Variants in AJAP1 observed in about 807,000 individuals in gnomAD.
AJAP1 encodes adherens junctions associated protein 1.
AJAP1 carries 5 observed loss-of-function variants against 35.0 expected under a neutral mutation model. The observed-to-expected ratio is 0.14, with a 90% CI of 0.07 to 0.30. The LOEUF is 0.30. Among genes scored for constraint, AJAP1 ranks in the 10% least tolerant of loss-of-function variants. The probability of loss-of-function intolerance (pLI) is 1.00; values close to 1 mark genes in which losing one functional copy is unlikely to be tolerated. For synonymous variants in AJAP1, 284 were observed against 249.3 expected, an observed-to-expected ratio of 1.14 and a Z score of -1.31; for missense variants, 586 against 571.0, an observed-to-expected ratio of 1.03 and a Z score of -0.27.
chr1:4,695,015 C>T (rs988281145), intron 1 of AJAP1, among the ~76,000 whole-genome samples: 2 of 152,062 alleles, frequency 1.3e-5, no homozygotes, highest in East Asian at 1.9e-4. Flanking sequence ...GAGGAGTGGA[C>T]GGACCCAAGG....
chr1:4,691,713 G>A (rs1459482008), intron 1 of AJAP1, among the ~76,000 whole-genome samples: 1 of 152,162 alleles, frequency 6.6e-6, no homozygotes, highest in Admixed American at 6.5e-5. Context: ...GCCAGGACCT[G>A]AAGGGAGGAG....
intron 2 of AJAP1, among the ~76,000 whole-genome samples, chr1:4,742,874 T>G (rs1641101486): frequency 6.6e-6 from 1 of 152,004 alleles, no homozygotes; most frequent in Non-Finnish European, 1.5e-5. Flanking sequence ...TGCTGTTTTC[T>G]TTGGGTGACC....
chr1:4,736,657 C>T (rs1042193073), intron 2 of AJAP1, among the ~76,000 whole-genome samples: 15 of 152,202 alleles, frequency 9.9e-5, no homozygotes, highest in Non-Finnish European at 1.8e-4. Context: ...TCTTTTTATC[C>T]TCTGTATAGC....
At chr1:4,744,356 G>A (rs113441061) in intron 2 of AJAP1, among the ~76,000 whole-genome samples, 7 of 152,316 alleles carry the variant, frequency 4.6e-5, no homozygotes, top group African/African-American at 1.2e-4. Flanking sequence ...GGCTGAGAAC[G>A]TAAGTGATTT....
In AJAP1 at chr1:4,693,240, T is replaced by C. The variant is rs1217734810; in HGVS notation, c.30-18660T>C. Among the ~76,000 whole-genome samples, 1 of 152,088 alleles carries C rather than the reference T, an allele frequency of 6.6e-6. No individual in the cohort carries two copies. Among genetic ancestry groups the C allele is most frequent in the Non-Finnish European group, 1.5e-5 (1 of 67,986 alleles). On this transcript the variant is annotated intron_variant, in intron 1 of 5. Transcript: ENST00000378191. This position sits in a 1 kb window ranked among gnomAD's most constrained non-coding sequence, Gnocchi z 4.4. ...AGTGGGGAGGCGCCCATGGGAACTT[T>C]AGACACCAGGCCACTCAACTGAGGG...
intron 2 of AJAP1, among the ~76,000 whole-genome samples, chr1:4,750,209 T>C (rs1465908164): frequency 6.6e-6 from 1 of 152,238 alleles, no homozygotes; most frequent in African/African-American, 2.4e-5. Flanking sequence ...TGTGTGCGTG[T>C]GTGCATGTAT....
intron 1 of AJAP1, among the ~76,000 whole-genome samples, chr1:4,677,802 T>C (rs555316054): frequency 6.6e-6 from 1 of 152,304 alleles, no homozygotes; most frequent in African/African-American, 2.4e-5. Context: ...GCTAAATATA[T>C]CTCATAGGTG....
intron 2 of AJAP1, among the ~76,000 whole-genome samples, chr1:4,716,581 GTGATGATGGTGTTGA>G (rs1254995250): frequency 6.6e-6 from 1 of 151,776 alleles, no homozygotes; most frequent in Non-Finnish European, 1.5e-5. Flanking sequence ...GGAGATGATG[GTGATGATGGTGTTGA>G]TGATGATGGT....
At chr1:4,669,970 T>C (rs1204597550) in intron 1 of AJAP1, among the ~76,000 whole-genome samples, 1 of 152,188 alleles carries the variant, frequency 6.6e-6, no homozygotes, top group African/African-American at 2.4e-5. Context: ...TTATCCACAA[T>C]TGCCTAGTTA....
chr1:4,727,674 G>C (rs972288298), intron 2 of AJAP1, among the ~76,000 whole-genome samples: 1 of 152,218 alleles, frequency 6.6e-6, no homozygotes, highest in African/African-American at 2.4e-5. Context: ...CCCTTCCCCT[G>C]GAGTGTGGAT....
rs187756555 is a variant in AJAP1 at position 4,681,343 on chromosome 1, C to T, written c.29+25889C>T. On this transcript the variant is annotated intron_variant, in intron 1 of 5. Coordinates refer to ENST00000378191, the MANE Select transcript of AJAP1 (RefSeq NM_018836.4). ...GGGCCACACTGTTGGCGTCCCCCTTCGCCAGCCCCAGGCCAAGGAAAGGAG... is the reference window on the plus strand; with the variant it reads ...GGGCCACACTGTTGGCGTCCCCCTTTGCCAGCCCCAGGCCAAGGAAAGGAG... 2.6e-5 allele frequency among the ~76,000 whole-genome samples: 4 copies of T among 152,332 alleles called. No individual in the cohort carries two copies. In the East Asian group the frequency reaches 5.8e-4, roughly 22 times the overall value.
At chr1:4,714,422 C>A (rs1451133048) in intron 2 of AJAP1, among the ~76,000 whole-genome samples, 3 of 152,210 alleles carry the variant, frequency 2.0e-5, no homozygotes, top group Admixed American at 6.5e-5. Flanking sequence ...GGATTTCTTG[C>A]TACTCTCCCT....
chr1:4,704,642 C>A (rs1640061378), intron 1 of AJAP1, among the ~76,000 whole-genome samples: 1 of 152,118 alleles, frequency 6.6e-6, no homozygotes, highest in Admixed American at 6.5e-5. Flanking sequence ...TTTATAGCAG[C>A]ATGATTTATA....
At chr1:4,737,773 G>A (rs2100309727) in intron 2 of AJAP1, among the ~76,000 whole-genome samples, 1 of 152,312 alleles carries the variant, frequency 6.6e-6, no homozygotes, top group South Asian at 2.1e-4. Context: ...AGTGGTGCAT[G>A]CACCTGTGGT....
At chr1:4,743,807 G>A (rs941474113) in intron 2 of AJAP1, among the ~76,000 whole-genome samples, 6 of 152,138 alleles carry the variant, frequency 3.9e-5, no homozygotes, top group African/African-American at 1.4e-4. Context: ...GACTTACCTG[G>A]TCAGAATCAA....
intron 2 of AJAP1, among the ~76,000 whole-genome samples, chr1:4,756,513 A>G (rs1292163253): frequency 1.3e-5 from 2 of 152,068 alleles, no homozygotes; most frequent in Admixed American, 6.6e-5. Context: ...CCAACTCACA[A>G]ATGTTTACGG....
chr1:4,701,401 C>A (rs566324343), intron 1 of AJAP1, among the ~76,000 whole-genome samples: 63 of 152,316 alleles, frequency 4.1e-4, no homozygotes, highest in African/African-American at 1.5e-3. Flanking sequence ...TCTCATGTCA[C>A]CCCCACGCCA....
rs1381478963 is a variant in AJAP1, at chr1:4,656,180, G to A, written c.29+726G>A. Among the ~76,000 whole-genome samples the A allele has an allele frequency of 6.6e-6, 1 of 152,214 alleles. No individual in the cohort carries two copies. The highest frequency in any genetic ancestry group is 1.5e-5 in the Non-Finnish European group (1 of 68,042). Reference sequence around the variant, plus strand: ...TCTGGGACTCCAGGGCCAGATGGAAGAGGGGGTTCGAGCCTAGAGCCCGTG... The same window carrying A: ...TCTGGGACTCCAGGGCCAGATGGAAAAGGGGGTTCGAGCCTAGAGCCCGTG... On this transcript the variant is annotated intron_variant, in intron 1 of 5. Transcript: ENST00000378191. This position sits in a 1 kb window ranked among gnomAD's most constrained non-coding sequence, Gnocchi z 5.7.
intron 1 of AJAP1, among the ~76,000 whole-genome samples, chr1:4,696,631 G>A (rs1476021545): frequency 6.6e-6 from 1 of 152,268 alleles, no homozygotes; most frequent in African/African-American, 2.4e-5. Context: ...CCAGGCTGCA[G>A]AGGGAACCTT....
Sources: allele counts gnomAD v4.1 joint callset (sites outside exome capture counted in the v4.1 genomes callset), GRCh38; gene constraint gnomAD v4.1.1; non-coding constraint Gnocchi (gnomAD v3.1); transcripts MANE v1.5; gene names NCBI Gene and HGNC (gene_info 2026-07-23, HGNC 2026-07-21).